Variants in IL7 observed in about 807,000 individuals in gnomAD.
IL7 encodes the protein interleukin 7.
In IL7, 3 loss-of-function variants were observed where a neutral mutation model predicts 21.6. The ratio of observed to expected loss-of-function variants is 0.14; its 90% CI spans 0.06 to 0.36. The LOEUF is 0.36. IL7 is among the 10% of genes least tolerant of loss of function. IL7 has a pLI of 1.00. For missense variants in IL7, 175 were observed against 200.2 expected, an observed-to-expected ratio of 0.87 and a Z score of 0.76; for synonymous variants, 62 against 68.1, an observed-to-expected ratio of 0.91 and a Z score of 0.44.
chr8:78,684,858 GT>G (rs1193033384), intron 4 of IL7, among the ~76,000 whole-genome samples: 2 of 151,996 alleles, frequency 1.3e-5, no homozygotes, highest in Middle Eastern at 3.2e-3. Flanking sequence ...AAAATGAACT[GT>G]TTTTCAAATA....
At chr8:78,757,653 T>TTTGA (rs1812394052) in intron 2 of IL7, among the ~76,000 whole-genome samples, 2 of 152,108 alleles carry the variant, frequency 1.3e-5, no homozygotes, top group Non-Finnish European at 2.9e-5. Flanking sequence ...CCTCTTTATC[T>TTTGA]CTTGTTATGT....
intron 2 of IL7, among the ~76,000 whole-genome samples, chr8:78,793,612 C>A (rs771582052): frequency 6.6e-6 from 1 of 152,074 alleles, no homozygotes; most frequent in East Asian, 1.9e-4. Context: ...CTTGCTTCAA[C>A]GTTAGTGGAT....
At chr8:78,745,695 C>T (rs1811956439) in intron 2 of IL7, among the ~76,000 whole-genome samples, 1 of 152,090 alleles carries the variant, frequency 6.6e-6, no homozygotes, top group South Asian at 2.1e-4. Context: ...GATTATTGTT[C>T]AGCCAGTATT....
At chr8:78,763,692 A>G (rs1812653972) in intron 2 of IL7, among the ~76,000 whole-genome samples, 1 of 152,202 alleles carries the variant, frequency 6.6e-6, no homozygotes, top group African/African-American at 2.4e-5. Flanking sequence ...GATGTTACAA[A>G]ACAAAAAATA....
chr8:78,755,778 A>G (rs1276285099), intron 2 of IL7, among the ~76,000 whole-genome samples: 1 of 152,062 alleles, frequency 6.6e-6, no homozygotes, highest in East Asian at 1.9e-4. Flanking sequence ...ATCTGCAAAG[A>G]GGGACAATTG....
chr8:78,721,788 A>G (rs1201198149), intron 3 of IL7, among the ~76,000 whole-genome samples: 2 of 152,002 alleles, frequency 1.3e-5, no homozygotes, highest in Non-Finnish European at 2.9e-5. Context: ...AGCCTTTACA[A>G]CATTTGTGCT....
chr8:78,804,281 C>G (rs1238080176), intron 1 of IL7, among the ~76,000 whole-genome samples: 1 of 152,066 alleles, frequency 6.6e-6, no homozygotes, highest in African/African-American at 2.4e-5. Context: ...ACAACAAAAA[C>G]AAAAACAAAA....
At chr8:78,790,954 C>T (rs1813672776) in intron 2 of IL7, among the ~76,000 whole-genome samples, 1 of 151,526 alleles carries the variant, frequency 6.6e-6, no homozygotes, top group South Asian at 2.1e-4. Flanking sequence ...TTCATATTTC[C>T]CGATTTCAAA....
chr8:78,690,819 T>A (rs1445573549), intron 3 of IL7, among the ~76,000 whole-genome samples: 1 of 152,180 alleles, frequency 6.6e-6, no homozygotes, highest in African/African-American at 2.4e-5. Flanking sequence ...TTTTGTTAGA[T>A]TTTCCAAGTA....
At chr8:78,735,987 T>C (rs895917881) in intron 5 of IL7, among the ~76,000 whole-genome samples, 4 of 151,248 alleles carry the variant, frequency 2.6e-5, no homozygotes, top group Admixed American at 6.6e-5. Context: ...TCTAATAATG[T>C]CTAGTAGTAT....
At chr8:78,721,523 T>C (rs1337021332) in intron 3 of IL7, 1 of 152,106 alleles carries the variant, frequency 6.6e-6, no homozygotes. Context: ...CTTTTATCTC[T>C]GCCCAAATAC....
intron 2 of IL7, among the ~76,000 whole-genome samples, chr8:78,782,844 C>G (rs1344531831): frequency 1.3e-5 from 2 of 152,094 alleles, no homozygotes; most frequent in African/African-American, 4.8e-5. Context: ...AGCTCCATCC[C>G]AGGGGTATCA....
intron 5 of IL7, among the ~76,000 whole-genome samples, chr8:78,734,392 T>C (rs1031688310): frequency 4.6e-5 from 7 of 152,138 alleles, no homozygotes; most frequent in African/African-American, 1.7e-4. Flanking sequence ...AAGAGATACT[T>C]GGCATGAACA....
intron 3 of IL7, among the ~76,000 whole-genome samples, chr8:78,722,217 A>C (rs1811254021): frequency 6.6e-6 from 1 of 151,996 alleles, no homozygotes; most frequent in Non-Finnish European, 1.5e-5. Context: ...TGCAATATTT[A>C]ATCTGAAACT....
intron 2 of IL7, among the ~76,000 whole-genome samples, chr8:78,764,440 A>T (rs1036449534): frequency 3.3e-5 from 5 of 152,082 alleles, no homozygotes; most frequent in Non-Finnish European, 5.9e-5. Flanking sequence ...AAATTTTTTT[A>T]AATTGGTAAA....
chr8:78,734,787 T>C (rs866447580), intron 5 of IL7, among the ~76,000 whole-genome samples: 21 of 152,208 alleles, frequency 1.4e-4, no homozygotes, highest in Non-Finnish European at 1.3e-4. Context: ...ATAATTTACT[T>C]CATTTTATTT....
intron 4 of IL7, among the ~76,000 whole-genome samples, chr8:78,738,078 G>A (rs1416355663): frequency 6.6e-6 from 1 of 152,032 alleles, no homozygotes; most frequent in African/African-American, 2.4e-5. Context: ...TGTTGGACAT[G>A]TTTATGTCTA....
chr8:78,768,232 C>T (rs541856631), intron 2 of IL7, among the ~76,000 whole-genome samples: 74 of 152,218 alleles, frequency 4.9e-4, no homozygotes, highest in Middle Eastern at 3.4e-3. Context: ...AATAAACATA[C>T]GTGTGCATGT....
chr8:78,767,150 A>C (rs1812780450), intron 2 of IL7, among the ~76,000 whole-genome samples: 3 of 151,950 alleles, frequency 2.0e-5, no homozygotes, highest in Admixed American at 2.0e-4. Context: ...AATTTTATAT[A>C]AGGGATTAAA....
Sources: allele counts gnomAD v4.1 joint callset (sites outside exome capture counted in the v4.1 genomes callset), GRCh38; gene constraint gnomAD v4.1.1; transcripts MANE v1.5; gene names NCBI Gene and HGNC (gene_info 2026-07-23, HGNC 2026-07-21).